ADCY8: variants seen among roughly 807,000 people sequenced by gnomAD.
ADCY8 encodes the protein adenylate cyclase type 8.
ADCY8 carries 51 observed loss-of-function variants against 119.7 expected under a neutral mutation model. That is an observed-to-expected ratio of 0.43 (90% CI 0.34 to 0.54). The LOEUF (loss-of-function observed/expected upper bound fraction) is 0.54. Among genes scored for constraint, ADCY8 ranks in the 20% least tolerant of loss-of-function variants. The probability of loss-of-function intolerance (pLI) is 0.03; values close to 1 mark genes in which losing one functional copy is unlikely to be tolerated. For synonymous variants in ADCY8, 665 were observed against 651.0 expected, an observed-to-expected ratio of 1.02 and a Z score of -0.33; for missense variants, 1,383 against 1,598.8, an observed-to-expected ratio of 0.87 and a Z score of 2.30.
intron 11 of ADCY8, among the ~76,000 whole-genome samples, chr8:130,838,867 T>C (rs911885987): frequency 2.1e-5 from 3 of 140,612 alleles, no homozygotes; most frequent in African/African-American, 7.3e-5. Flanking sequence ...GGAAAGTGCT[T>C]TGCCAGCAAT....
chr8:130,832,837 C>T (rs564619687), intron 12 of ADCY8, among the ~76,000 whole-genome samples: 1 of 152,292 alleles, frequency 6.6e-6, no homozygotes, highest in Admixed American at 6.5e-5. Context: ...TGCTATGTGC[C>T]AGGCAAATAA....
At chr8:131,018,050 G>A (rs1035423325) in intron 1 of ADCY8, among the ~76,000 whole-genome samples, 1 of 152,126 alleles carries the variant, frequency 6.6e-6, no homozygotes, top group Non-Finnish European at 1.5e-5. Context: ...TTAATGTTAC[G>A]GGTAATTGAG....
chr8:130,811,644 G>C (rs1057072443), intron 14 of ADCY8, among the ~76,000 whole-genome samples: 1 of 152,324 alleles, frequency 6.6e-6, no homozygotes, highest in East Asian at 1.9e-4. Flanking sequence ...CAAGTTAAAT[G>C]CCTCAGCAAG....
At chr8:130,872,391 G>A (rs1818400170) in intron 8 of ADCY8, among the ~76,000 whole-genome samples, 1 of 152,176 alleles carries the variant, frequency 6.6e-6, no homozygotes, top group South Asian at 2.1e-4. Flanking sequence ...AGAATCCAGT[G>A]AGTTTTGCTC....
chr8:130,806,969 G>A (rs909958821), intron 14 of ADCY8, among the ~76,000 whole-genome samples: 1 of 152,174 alleles, frequency 6.6e-6, no homozygotes, highest in Non-Finnish European at 1.5e-5. Flanking sequence ...AGCCTTGAGT[G>A]TGCCATCTGT....
intron 1 of ADCY8, among the ~76,000 whole-genome samples, chr8:131,005,132 A>G (rs1276847374): frequency 6.6e-6 from 1 of 152,230 alleles, no homozygotes; most frequent in Admixed American, 6.5e-5. Flanking sequence ...CTTATCACCT[A>G]AAGTTACTGA....
intron 13 of ADCY8, among the ~76,000 whole-genome samples, chr8:130,815,707 A>G (rs1816315228): frequency 6.6e-6 from 1 of 152,266 alleles, no homozygotes; most frequent in South Asian, 2.1e-4. Flanking sequence ...TTACAGATTT[A>G]GTTGCTAGAC....
intron 14 of ADCY8, among the ~76,000 whole-genome samples, chr8:130,809,647 G>T (rs188020645): frequency 1.3e-5 from 2 of 152,342 alleles, no homozygotes; most frequent in African/African-American, 4.8e-5. Context: ...GAGGCTCAGA[G>T]AACTTAACTA....
intron 15 of ADCY8, among the ~76,000 whole-genome samples, chr8:130,799,964 T>G (rs1313834375): frequency 6.6e-6 from 1 of 152,220 alleles, no homozygotes; most frequent in Non-Finnish European, 1.5e-5. Context: ...ACTAGACTCA[T>G]GGAGCCTGGA....
intron 8 of ADCY8, among the ~76,000 whole-genome samples, chr8:130,870,290 G>A (rs989287089): frequency 3.9e-5 from 6 of 152,004 alleles, no homozygotes; most frequent in Non-Finnish European, 8.8e-5. Flanking sequence ...GGGATTACAG[G>A]CATGAGTCAC....
At chr8:130,951,480 C>G (rs1004672921) in intron 3 of ADCY8, among the ~76,000 whole-genome samples, 1 of 152,068 alleles carries the variant, frequency 6.6e-6, no homozygotes, top group Non-Finnish European at 1.5e-5. Context: ...CCTCTTTGTA[C>G]TGTTTTAAAC....
At chr8:130,848,884 T>C (rs148656440) in intron 10 of ADCY8, among the ~76,000 whole-genome samples, 4 of 152,308 alleles carry the variant, frequency 2.6e-5, no homozygotes, top group African/African-American at 9.6e-5. Context: ...ATAAATATCA[T>C]GGCAGTTGGA....
chr8:131,017,902 G>A (rs574191989), intron 1 of ADCY8, among the ~76,000 whole-genome samples: 6 of 151,986 alleles, frequency 3.9e-5, no homozygotes, highest in South Asian at 4.2e-4. Flanking sequence ...GAAACCTTTC[G>A]GACCCTTGTT....
chr8:130,980,161 C>T (rs1188628983), intron 2 of ADCY8, among the ~76,000 whole-genome samples: 8 of 152,152 alleles, frequency 5.3e-5, no homozygotes, highest in Non-Finnish European at 7.4e-5. Flanking sequence ...GCGTTTCCTG[C>T]TCCTGCCTCT....
chr8:130,785,886 TG>T (rs1815235169), intron 15 of ADCY8, among the ~76,000 whole-genome samples: 1 of 152,222 alleles, frequency 6.6e-6, no homozygotes. Flanking sequence ...TGATCCCCTT[TG>T]CCCCTTGCCA....
chr8:130,881,821 G>A (rs749679153), intron 8 of ADCY8, among the ~76,000 whole-genome samples: 14 of 151,320 alleles, frequency 9.3e-5, no homozygotes, highest in Admixed American at 2.0e-4. Context: ...ATCAACCCAG[G>A]ATCATTTTAA....
intron 7 of ADCY8, among the ~76,000 whole-genome samples, chr8:130,897,437 A>G (rs1362921270): frequency 6.6e-6 from 1 of 151,958 alleles, no homozygotes; most frequent in East Asian, 2.0e-4. Context: ...AAGTGGGACT[A>G]AATCAAATTG....
chr8:130,904,979 C>A (rs139681554), intron 6 of ADCY8, among the ~76,000 whole-genome samples: 1 of 152,108 alleles, frequency 6.6e-6, no homozygotes, highest in Non-Finnish European at 1.5e-5. Flanking sequence ...AGATTCAAAC[C>A]GTAGCTCTGC....
At position 130,929,772 on chromosome 8, in the gene ADCY8, T is replaced by C. The variant is rs533683452; in HGVS notation, c.1481+7301A>G. ...TATAGTTATAATATAGTATTATCTT[T>C]CCCTTCATATCTATTAATATTTGCC... On this transcript the variant is annotated intron_variant, in intron 5 of 17. Transcript: ENST00000286355. Among the ~76,000 whole-genome samples, 195 of 152,322 alleles carry C rather than the reference T, an allele frequency of 1.3e-3. 1 individual carries two copies. The highest frequency in any genetic ancestry group is 3.4e-3 in the Middle Eastern group (1 of 294).
Sources: allele counts gnomAD v4.1 joint callset (sites outside exome capture counted in the v4.1 genomes callset), GRCh38; gene constraint gnomAD v4.1.1; transcripts MANE v1.5; gene names NCBI Gene and HGNC (gene_info 2026-07-23, HGNC 2026-07-21).